GULP1: variants seen among roughly 807,000 people sequenced by gnomAD.
GULP1 encodes GULP PTB domain containing engulfment adaptor 1, also known as PTB domain-containing engulfment adapter protein 1.
In GULP1, 19 loss-of-function variants were observed where a neutral mutation model predicts 40.9. That is an observed-to-expected ratio of 0.46 (90% CI 0.32 to 0.68). GULP1 has a LOEUF of 0.68. Among genes scored for constraint, GULP1 ranks in the 30% least tolerant of loss-of-function variants. The pLI is 0.03. For missense variants in GULP1, 312 were observed against 362.2 expected, an observed-to-expected ratio of 0.86 and a Z score of 1.12; for synonymous variants, 119 against 117.6, an observed-to-expected ratio of 1.01 and a Z score of -0.08.
At chr2:188,385,858 C>A (rs112306576) in intron 2 of GULP1, among the ~76,000 whole-genome samples, 75 of 152,256 alleles carry the variant, frequency 4.9e-4, no homozygotes, top group African/African-American at 1.7e-3. Context: ...GAGACCACCT[C>A]AGCCTGGATG....
At chr2:188,547,691 C>CA (rs1490191453) in intron 7 of GULP1, among the ~76,000 whole-genome samples, 2 of 152,152 alleles carry the variant, frequency 1.3e-5, no homozygotes, top group East Asian at 3.9e-4. Context: ...GCAACACCCT[C>CA]ACAGACACAC....
At chr2:188,580,506 TC>T (rs1290369258) in intron 9 of GULP1, among the ~76,000 whole-genome samples, 1 of 138,924 alleles carries the variant, frequency 7.2e-6, no homozygotes, top group Admixed American at 7.5e-5. Flanking sequence ...TGAGCCGAGA[TC>T]CCGCCACTGC....
At chr2:188,350,651 G>A (rs932952139) in intron 1 of GULP1, among the ~76,000 whole-genome samples, 8 of 151,698 alleles carry the variant, frequency 5.3e-5, no homozygotes, top group Admixed American at 4.6e-4. Flanking sequence ...TTTTCAATGT[G>A]GATGGCTTTT....
At chr2:188,345,808 AT>A (rs1224765777) in intron 1 of GULP1, among the ~76,000 whole-genome samples, 4 of 152,194 alleles carry the variant, frequency 2.6e-5, no homozygotes, top group African/African-American at 9.7e-5. Context: ...AAAATGATGT[AT>A]TTTGGTCTTA....
chr2:188,436,349 T>A (rs1222312337), intron 2 of GULP1, among the ~76,000 whole-genome samples: 2 of 152,084 alleles, frequency 1.3e-5, no homozygotes, highest in African/African-American at 4.8e-5. Flanking sequence ...TTAACACAAT[T>A]TAATAGGAAG....
At chr2:188,386,986 C>T (rs1393674471) in intron 2 of GULP1, among the ~76,000 whole-genome samples, 18 of 152,042 alleles carry the variant, frequency 1.2e-4, no homozygotes, top group Non-Finnish European at 2.2e-4. Context: ...GCCTGTAATC[C>T]TGCACTTTGG....
intron 1 of GULP1, among the ~76,000 whole-genome samples, chr2:188,328,813 T>C (rs892378558): frequency 6.6e-6 from 1 of 152,160 alleles, no homozygotes; most frequent in Non-Finnish European, 1.5e-5. Context: ...ATGAGAGGCC[T>C]TACTTGGTTT....
chr2:188,578,142 A>T (rs1700533087), intron 9 of GULP1, among the ~76,000 whole-genome samples: 1 of 152,088 alleles, frequency 6.6e-6, no homozygotes, highest in African/African-American at 2.4e-5. Flanking sequence ...AGTGCAATTA[A>T]CAGCAAAACA....
intron 1 of GULP1, among the ~76,000 whole-genome samples, chr2:188,327,829 T>G (rs145261894): frequency 6.6e-6 from 1 of 152,218 alleles, no homozygotes; most frequent in African/African-American, 2.4e-5. Flanking sequence ...TTGAAAATGA[T>G]GGAGCACTGA....
chr2:188,383,727 G>T (rs1363017160), intron 1 of GULP1, 36 bp from the exon 2 acceptor site: 7 of 152,100 alleles, frequency 4.6e-5, no homozygotes, highest in Non-Finnish European at 1.0e-4. Flanking sequence ...TGTAATTATT[G>T]ATTAATTCTA....
At chr2:188,542,969 C>G (rs1366729638) in intron 7 of GULP1, among the ~76,000 whole-genome samples, 1 of 152,058 alleles carries the variant, frequency 6.6e-6, no homozygotes, top group Non-Finnish European at 1.5e-5. Context: ...AGAGTTCATT[C>G]TAAATATTGG....
intron 1 of GULP1, among the ~76,000 whole-genome samples, chr2:188,364,911 C>T (rs1271708685): frequency 1.4e-5 from 2 of 146,942 alleles, no homozygotes; most frequent in African/African-American, 5.1e-5. Flanking sequence ...AATACACACA[C>T]ACACACATAT....
chr2:188,364,753 A>G (rs932216719), intron 1 of GULP1, among the ~76,000 whole-genome samples: 1 of 149,510 alleles, frequency 6.7e-6, no homozygotes, highest in East Asian at 2.0e-4. Context: ...TATATGATAC[A>G]TATACATATA....
chr2:188,517,725 T>C (rs1410476108), intron 4 of GULP1, among the ~76,000 whole-genome samples: 2 of 152,068 alleles, frequency 1.3e-5, no homozygotes, highest in Non-Finnish European at 2.9e-5. Context: ...CCTCGGTCTG[T>C]TTTCCTCAGG....
At chr2:188,333,867 T>C (rs1035566406) in intron 1 of GULP1, among the ~76,000 whole-genome samples, 15 of 152,100 alleles carry the variant, frequency 9.9e-5, no homozygotes, top group African/African-American at 3.6e-4. Context: ...TGTTCTATAA[T>C]AAGCAGCTTA....
chr2:188,398,997 A>G (rs1232279010), intron 2 of GULP1, among the ~76,000 whole-genome samples: 1 of 152,198 alleles, frequency 6.6e-6, no homozygotes, highest in African/African-American at 2.4e-5. Flanking sequence ...TAGCCTGACA[A>G]TCTAAACTAG....
At chr2:188,431,260 G>T (rs759965908) in intron 2 of GULP1, among the ~76,000 whole-genome samples, 7 of 151,950 alleles carry the variant, frequency 4.6e-5, no homozygotes, top group Admixed American at 1.3e-4. Flanking sequence ...AAACATTTTA[G>T]CATCAGGCTA....
At chr2:188,376,393 A>G (rs2048304010) in intron 1 of GULP1, among the ~76,000 whole-genome samples, 2 of 152,224 alleles carry the variant, frequency 1.3e-5, no homozygotes, top group African/African-American at 4.8e-5. Flanking sequence ...GACAAAATAT[A>G]TAATAATGAC....
At chr2:188,508,877 T>C (rs2064202519) in intron 4 of GULP1, among the ~76,000 whole-genome samples, 2 of 60,986 alleles carry the variant, frequency 3.3e-5, no homozygotes, top group Admixed American at 4.6e-4. Context: ...ATAGGCACTT[T>C]ACCCACACAA....
Sources: gnomAD v4.1 joint callset for allele counts (sites outside exome capture counted in the v4.1 genomes callset) on GRCh38, gnomAD v4.1.1 for gene constraint, MANE v1.5 for transcripts, NCBI Gene and HGNC (gene_info 2026-07-23, HGNC 2026-07-21) for gene names.